The following RRP9 variants were observed in gnomAD, a reference collection of about 807,000 sequenced individuals.
RRP9 encodes U3 small nucleolar RNA-interacting protein 2.
A neutral mutation model predicts 65.5 loss-of-function variants in RRP9; 35 were observed. The observed-to-expected ratio is 0.53, with a 90% confidence interval of 0.41 to 0.71. The LOEUF (loss-of-function observed/expected upper bound fraction) is 0.71, where lower values mean the gene tolerates loss of function less well. RRP9 is among the 30% of genes least tolerant of loss of function. The probability of loss-of-function intolerance (pLI) is 0.00; values close to 1 mark genes in which losing one functional copy is unlikely to be tolerated. For missense variants in RRP9, 533 were observed against 633.6 expected (o/e 0.84, Z 1.70); for synonymous variants, 254 against 245.0 (o/e 1.04, Z -0.34).
At position 51,933,492 on chromosome 3, in the gene RRP9, G is replaced by A. The variant is rs190562926; in HGVS notation, c.*14C>T. On this transcript the variant is annotated 3_prime_UTR_variant, in exon 15 of 15. Transcript: ENST00000232888. ...CATAGCCTGGGAAGGACTTAAATAA[G>A]GAGGATAAGAGTGTCAGGAACCAGC... 8.5e-5 allele frequency: 137 copies of A among 1,604,324 alleles called. No individual in the cohort carries two copies. In the African/African-American group the frequency reaches 1.6e-3, roughly 18 times the overall value.
chr3:51,940,586 T>C (rs1699510355), intron 2 of RRP9, among the ~76,000 whole-genome samples: 1 of 152,130 alleles, frequency 6.6e-6, no homozygotes, highest in African/African-American at 2.4e-5. Flanking sequence ...TGCATGATCA[T>C]AGTTCACTGC....
chr3:51,938,127 G>A lies in RRP9; in HGVS notation c.248C>T (p.Ala83Val). 1 of 1,608,622 alleles carries A rather than the reference G, an allele frequency of 6.2e-7. No homozygotes were observed. Among genetic ancestry groups the A allele is most frequent in the Non-Finnish European group, 8.5e-7 (1 of 1,179,328 alleles). Residue 83 changes from alanine to valine, a missense_variant, in exon 3 of 15, where the codon GCC (alanine) becomes GTC (valine). Transcript: ENST00000232888. ...ACGGAGCTGCTCTAGGTAGAGCTTG[G>A]CCAAGCGCAGCTTCTTTTCCTGTGC... is the stretch of plus-strand genomic sequence containing the variant. ...ETAQEKKLRL[A>V]KLYLEQLRQQ...
chr3:51,934,448 G>C lies in RRP9; in HGVS notation c.1260+24C>G, dbSNP rs749843418. 1 of 1,604,014 alleles carries C rather than the reference G, an allele frequency of 6.2e-7. No homozygotes were observed. The highest frequency in any genetic ancestry group is 8.5e-7 in the Non-Finnish European group (1 of 1,174,000). On this transcript the variant is annotated intron_variant, in intron 13 of 14. Transcript: ENST00000232888. The surrounding 1 kb of genome is among the most constrained non-coding windows in gnomAD (Gnocchi z 4.1). ...CTAGGCAGTGTGGCAGAGACAGGCT[G>C]AGCATTCAAGCACACTCACTCACCA...
At chr3:51,941,599 G>T in intron 1 of RRP9, 108 bp from the exon 2 acceptor site, 1 of 1,212,780 alleles carries the variant, frequency 8.2e-7, no homozygotes, top group Non-Finnish European at 1.2e-6. Context: ...GGGGAAGGCG[G>T]TGGTTCCCGG....
rs2106669576 is a variant in RRP9, at chr3:51,933,749, G to T, written c.1293C>A (p.Ser431Arg). 1 of 1,614,128 alleles carries T rather than the reference G, an allele frequency of 6.2e-7. No homozygotes were observed. The highest frequency in any genetic ancestry group is 1.1e-5 in the South Asian group (1 of 91,074). ...CCCCAGCCACCAGGAAGTCCCCAGA[G>T]CTGGAGAACTTGAGGCTGTTGATAA... is the stretch of plus-strand genomic sequence containing the variant. ...VGFINSLKFS[S>R]SGDFLVAGVG... Residue 431 changes from serine (S) to arginine (R), a missense_variant, in exon 14 of 15, where the codon AGC becomes AGA. Transcript: ENST00000232888.
In RRP9 at chr3:51,934,898, T is replaced by C; in HGVS notation, c.1035-122A>G. ...CATTTCCCATGATGTGATTATTACA[T>C]ATTGCATGCCTGTATCAAAACATCT... On this transcript the variant is annotated intron_variant, in intron 11 of 14. Coordinates refer to ENST00000232888, the MANE Select transcript of RRP9 (RefSeq NM_004704.5). The surrounding 1 kb of genome is among the most constrained non-coding windows in gnomAD (Gnocchi z 4.1). 9.2e-7 allele frequency: 1 copy of C among 1,083,618 alleles called. No individual in the cohort carries two copies. Among genetic ancestry groups the C allele is most frequent in the South Asian group, 1.5e-5 (1 of 66,058 alleles). 67.1% of individuals were successfully genotyped at this position (1,083,618 alleles called of 1,614,324 possible).
rs765463558 is a variant in RRP9, at chr3:51,936,445, C to T, written c.628G>A (p.Asp210Asn). Reference protein sequence around the residue: ...SHVLCMAISSDGKYLASGDRS... With the variant: ...SHVLCMAISSNGKYLASGDRS... ...CCTGGCCTTACAAGGTACTTGCCGT[C>T]GGAGGAGATGGCCATGCAGAGGACG... Residue 210 changes from aspartate to asparagine, a missense_variant, in exon 7 of 15, where the codon GAC becomes AAC. Asp to Asn is a conservative substitution (Grantham distance 23). Transcript: ENST00000232888. 4.3e-6 allele frequency: 7 copies of T among 1,614,228 alleles called. No homozygotes were observed. Among genetic ancestry groups the T allele is most frequent in the Admixed American group, 1.7e-5 (1 of 60,034 alleles).
rs375745536 is a variant in RRP9, at chr3:51,933,617, C to T, written c.1335-18G>A. On this transcript the variant is annotated intron_variant, in intron 14 of 14. Transcript: ENST00000232888. ...GGCCAAGCCTGCAGGGAGTGCAAGACGCAGCTGAGACTCGGCCCAGTCTCC... is the reference window on the plus strand; with the variant it reads ...GGCCAAGCCTGCAGGGAGTGCAAGATGCAGCTGAGACTCGGCCCAGTCTCC... 9.3e-4 allele frequency: 1,500 copies of T among 1,613,248 alleles called. 28 individuals carry two copies. The South Asian group carries it at 0.014, about 15-fold the overall frequency.
chr3:51,941,711 G>T, intron 1 of RRP9, 70 bp downstream of exon 1: 1 of 1,392,614 alleles, frequency 7.2e-7, no homozygotes, highest in Non-Finnish European at 9.8e-7. Context: ...CGGGACCCAG[G>T]TCCCCTGGAT....
Position 51,941,454 on chromosome 3 carries a change from C to T in RRP9, c.125G>A (p.Gly42Asp). The T allele has an allele frequency of 6.2e-7, 1 of 1,614,168 alleles. No homozygotes were observed. Among genetic ancestry groups the T allele is most frequent in the Non-Finnish European group, 8.5e-7 (1 of 1,180,026 alleles). Reference protein sequence around the residue: ...SAGDRGKSKGGGKMNEEISSD... With the variant: ...SAGDRGKSKGDGKMNEEISSD... ...GGAGATCTCCTCATTCATCTTGCCG[C>T]CACCCTTGGATTTGCCCCTGTCCCC... The change falls in exon 2 of 15, where the codon GGC becomes GAC. Residue 42 changes from glycine (G) to aspartate (D), a missense_variant. Physicochemically the swap from Gly to Asp is moderately conservative, Grantham distance 94. Transcript: ENST00000232888.
Position 51,934,649 on chromosome 3 carries a change from T to C in RRP9, c.1162A>G (p.Thr388Ala), listed in dbSNP as rs1162437582. The stretch of plus-strand genomic sequence containing the variant: ...CACCCACCTGTGGCCACAAGGTCTG[T>C]GTTGAGGAGGGCTGCCACCGACGAT... Reference protein sequence around the residue: ...WISSVAALLNTDLVATGSHSS... With the variant: ...WISSVAALLNADLVATGSHSS... Residue 388 changes from threonine (T) to alanine (A), a missense_variant, in exon 12 of 15, where the codon ACA becomes GCA. Thr to Ala is a moderately conservative substitution (Grantham distance 58, BLOSUM62 0). Around this residue, in one of 3 missense-constraint regions of RRP9, gnomAD observed 449 missense variants for 550.6 expected, o/e 0.82. Coordinates refer to ENST00000232888, the MANE Select transcript of RRP9 (RefSeq NM_004704.5). The surrounding 1 kb of genome is among the most constrained non-coding windows in gnomAD (Gnocchi z 4.1). 1.2e-6 allele frequency: 2 copies of C among 1,614,034 alleles called. No individual in the cohort carries two copies. Among genetic ancestry groups the C allele is most frequent in the Admixed American group, 1.7e-5 (1 of 60,020 alleles).
In RRP9 at chr3:51,934,767, G is replaced by A. The variant is rs368990496; in HGVS notation, c.1044C>T (p.Ala348=). 1.2e-6 allele frequency: 2 copies of A among 1,613,448 alleles called. No homozygotes were observed. Among genetic ancestry groups the A allele is most frequent in the African/African-American group, 1.3e-5 (1 of 74,912 alleles). ...MVSGADDGSV[A]LWGLSKKRPL... ...GTCGCTTCTTGGAGAGACCCCACAA[G>A]GCCACAGAGCTATAAACAGGGAGGG... Residue 348 remains alanine (A), a synonymous_variant, in exon 12 of 15, where the codon GCC becomes GCT. Coordinates refer to ENST00000232888, the MANE Select transcript of RRP9 (RefSeq NM_004704.5). This position sits in a 1 kb window ranked among gnomAD's most constrained non-coding sequence, Gnocchi z 4.1.
chr3:51,933,815 A>C (rs1577648851), intron 13 of RRP9, 34 bp from the exon 14 acceptor site: 1 of 1,599,248 alleles, frequency 6.3e-7, no homozygotes, highest in Non-Finnish European at 8.6e-7. Context: ...AGACATTAGA[A>C]CGCCCCCCGC....
In RRP9 at chr3:51,937,981, G is replaced by A. The variant is rs1223836603; in HGVS notation, c.280+114C>T. ...AGGGCAGCCAGCACTGACAGCCTGG[G>A]CACCCACTGGGAATCCATGTCAGTC... On this transcript the variant is annotated intron_variant, in intron 3 of 14. Coordinates refer to ENST00000232888, the MANE Select transcript of RRP9 (RefSeq NM_004704.5). This position sits in a 1 kb window ranked among gnomAD's most constrained non-coding sequence, Gnocchi z 5.0. The A allele has an allele frequency of 2.9e-6, 3 of 1,035,548 alleles. No individual in the cohort carries two copies. The highest frequency in any genetic ancestry group is 3.1e-5 in the South Asian group (2 of 65,048). The allele number at this position is 1,035,548 out of a possible 1,614,324, so 64.1% of individuals were successfully genotyped here.
intron 2 of RRP9, among the ~76,000 whole-genome samples, chr3:51,940,639 TGAGTAGTTG>T (rs1279007460): frequency 6.6e-6 from 1 of 152,050 alleles, no homozygotes; most frequent in Non-Finnish European, 1.5e-5. Context: ...CTTAGCCTCC[TGAGTAGTTG>T]GGACTACAGG....
rs545346569 is a variant in RRP9 at position 51,941,551 on chromosome 3, G to T, written c.88-60C>A. Reference sequence around the variant, plus strand: ...TCCAGACCACCCTGGCATTGACCAAGGGCCCCCCCCCCTCGGTTCCCTCAG... The same window carrying T: ...TCCAGACCACCCTGGCATTGACCAATGGCCCCCCCCCCTCGGTTCCCTCAG... On this transcript the variant is annotated intron_variant, in intron 1 of 14. Transcript: ENST00000232888. The T allele has an allele frequency of 1.5e-5, 22 of 1,491,874 alleles. No homozygotes were observed. The African/African-American group carries it at 3.0e-4, about 20-fold the overall frequency. 92.4% of individuals were successfully genotyped at this position (1,491,874 alleles called of 1,614,324 possible). A position where few individuals can be genotyped will look rare whatever the true frequency, so the allele number is the denominator to read the frequency against.
At position 51,935,077 on chromosome 3, in the gene RRP9, A is replaced by C. The variant is rs756363051; in HGVS notation, c.1034+120T>G. 68 of 1,077,054 alleles carry C rather than the reference A, an allele frequency of 6.3e-5. No individual in the cohort carries two copies. Among genetic ancestry groups the C allele is most frequent in the Middle Eastern group, 2.6e-4 (1 of 3,790 alleles). 66.7% of individuals were successfully genotyped at this position (1,077,054 alleles called of 1,614,324 possible). On this transcript the variant is annotated intron_variant, in intron 11 of 14. Coordinates refer to ENST00000232888, the MANE Select transcript of RRP9 (RefSeq NM_004704.5). ...GCTCTCTGCCTCATCATCCTCATCC[A>C]TGAAAAGAGGTTACAACAGCTCCCC...
At chr3:51,936,684 A>G in intron 6 of RRP9, 129 bp from the exon 7 acceptor site, 19 of 932,448 alleles carry the variant, frequency 2.0e-5, no homozygotes, top group Non-Finnish European at 3.0e-5. Flanking sequence ...GACCTGGCTC[A>G]GCCACCGTGA....
chr3:51,936,505 C>T lies in RRP9; in HGVS notation c.568G>A (p.Gly190Ser), dbSNP rs539222838. ...TGGCCAGGGGGCTTTCCCTCGGCAC[C>T]CTTCTTGGCTCGAGGAATCACATGC... ...KLHVIPRAKK[G>S]AEGKPPGHSS... The change falls in exon 7 of 15, where the codon GGT becomes AGT. Residue 190 changes from glycine to serine, a missense_variant. Gly to Ser is a moderately conservative substitution (Grantham distance 56, BLOSUM62 0). This residue lies in a region of RRP9 where 449 missense variants were observed against 550.6 expected (regional missense o/e 0.82). Coordinates refer to ENST00000232888, the MANE Select transcript of RRP9 (RefSeq NM_004704.5). 7 of 1,614,184 alleles carry T rather than the reference C, an allele frequency of 4.3e-6. No individual in the cohort carries two copies. In the African/African-American group the frequency reaches 6.7e-5, roughly 15 times the overall value.
Sources: allele counts gnomAD v4.1 joint callset (sites outside exome capture counted in the v4.1 genomes callset), GRCh38; gene constraint gnomAD v4.1.1; regional missense constraint gnomAD v4.1.1; non-coding constraint Gnocchi (gnomAD v3.1); transcripts MANE v1.5; gene names NCBI Gene and HGNC (gene_info 2026-07-23, HGNC 2026-07-21).